The following MSI1 variants were observed in gnomAD, a reference collection of about 807,000 sequenced individuals.
The protein encoded by MSI1 is musashi RNA binding protein 1.
MSI1 carries 15 observed loss-of-function variants against 54.4 expected under a neutral mutation model. That is an observed-to-expected ratio of 0.28 (90% CI 0.18 to 0.42). MSI1 has a LOEUF of 0.42. Among genes scored for constraint, MSI1 ranks in the 20% least tolerant of loss-of-function variants. The pLI is 1.00. For missense variants in MSI1, 304 were observed against 506.0 expected (o/e 0.60, Z 3.83); for synonymous variants, 200 against 196.5 (o/e 1.02, Z -0.15).
chr12:120,345,360 T>TGTGAA (rs1431370352), intron 14 of MSI1, among the ~76,000 whole-genome samples: 1 of 152,082 alleles, frequency 6.6e-6, no homozygotes, highest in Non-Finnish European at 1.5e-5. Context: ...ATAGGTGGGA[T>TGTGAA]GTGAAGCCTT....
At chr12:120,346,739 T>C (rs997928914) in intron 12 of MSI1, among the ~76,000 whole-genome samples, 2 of 152,130 alleles carry the variant, frequency 1.3e-5, no homozygotes, top group Non-Finnish European at 2.9e-5. Context: ...CCAGAAACAC[T>C]TTTCCTCCTC....
At chr12:120,346,704 G>A (rs1874155866) in intron 12 of MSI1, among the ~76,000 whole-genome samples, 1 of 152,090 alleles carries the variant, frequency 6.6e-6, no homozygotes, top group Non-Finnish European at 1.5e-5. Flanking sequence ...TGGCCTCCAA[G>A]CCTTTGCATA....
At chr12:120,361,911 CCGGGGG>C (rs1875688100) in intron 6 of MSI1, among the ~76,000 whole-genome samples, 1 of 151,850 alleles carries the variant, frequency 6.6e-6, no homozygotes, top group Non-Finnish European at 1.5e-5. Context: ...AACGCCGGCC[CCGGGGG>C]CAGGCGGCCT....
Position 120,342,105 on chromosome 12 carries a change from G to C in MSI1, c.*1022C>G, listed in dbSNP as rs1231119114. The C allele has an allele frequency of 1.3e-5, 2 of 152,864 alleles. No homozygotes were observed. Among genetic ancestry groups the C allele is most frequent in the Non-Finnish European group, 2.9e-5 (2 of 68,666 alleles). 9.5% of individuals were successfully genotyped at this position (152,864 alleles called of 1,614,324 possible). Reference sequence around the variant, plus strand: ...CCCCTGGTGCCCACTCATTGCGGGGGTCGAGGGGGAAGGGGGACAGACTGA... The same window carrying C: ...CCCCTGGTGCCCACTCATTGCGGGGCTCGAGGGGGAAGGGGGACAGACTGA... On this transcript the variant is annotated 3_prime_UTR_variant, in exon 15 of 15. Coordinates refer to ENST00000257552, the MANE Select transcript of MSI1 (RefSeq NM_002442.4).
intron 7 of MSI1, among the ~76,000 whole-genome samples, 166 bp from the exon 8 acceptor site, chr12:120,358,064 G>T (rs1405246097): frequency 6.6e-6 from 1 of 152,206 alleles, no homozygotes; most frequent in African/African-American, 2.4e-5. Flanking sequence ...CTGAGACAGG[G>T]TTTCAAGTCC....
chr12:120,349,952 C>T (rs1272691026), intron 11 of MSI1, among the ~76,000 whole-genome samples: 1 of 152,202 alleles, frequency 6.6e-6, no homozygotes, highest in East Asian at 1.9e-4. Context: ...CCTCTCTAAA[C>T]TGCGAGTTCT....
intron 9 of MSI1, among the ~76,000 whole-genome samples, chr12:120,354,962 G>C (rs1874952924): frequency 6.8e-6 from 1 of 145,992 alleles, no homozygotes; most frequent in Non-Finnish European, 1.5e-5. Flanking sequence ...GGGAACCTGA[G>C]GTGAGAAGAT....
In MSI1 at chr12:120,357,035, G is replaced by C; in HGVS notation, c.535-16C>G. ...TACATTCCACCTGCAATGAGACCTG[G>C]CGGTTAGTCTTTCCCACAGAGCTAG... On this transcript the variant is annotated splice_polypyrimidine_tract_variant and intron_variant, in intron 8 of 14. Coordinates refer to ENST00000257552, the MANE Select transcript of MSI1 (RefSeq NM_002442.4). 1 of 1,609,086 alleles carries C rather than the reference G, an allele frequency of 6.2e-7. No homozygotes were observed. Among genetic ancestry groups the C allele is most frequent in the Non-Finnish European group, 8.5e-7 (1 of 1,175,344 alleles).
In MSI1 at chr12:120,357,806, C is replaced by T. The variant is rs772736992; in HGVS notation, c.534+10G>A. 12 of 1,613,810 alleles carry T rather than the reference C, an allele frequency of 7.4e-6. No individual in the cohort carries two copies. The South Asian group carries it at 1.1e-4, about 15-fold the overall frequency. ...ACAGGCGTGAGCCACTGCGCCCGGA[C>T]CCAACTCACCATTTTGTTGTTGATT... On this transcript the variant is annotated intron_variant, in intron 8 of 14. Coordinates refer to ENST00000257552, the MANE Select transcript of MSI1 (RefSeq NM_002442.4).
chr12:120,361,186 T>C (rs569292400), intron 6 of MSI1, among the ~76,000 whole-genome samples: 131 of 152,224 alleles, frequency 8.6e-4, no homozygotes, highest in African/African-American at 3.0e-3. Flanking sequence ...CACCATCCTA[T>C]TGAGCACCTT....
At chr12:120,365,988 C>T (rs960180546) in intron 4 of MSI1, among the ~76,000 whole-genome samples, 5 of 152,162 alleles carry the variant, frequency 3.3e-5, no homozygotes, top group African/African-American at 9.7e-5. Context: ...GCCACCTTTG[C>T]CCTTGGCTGT....
intron 6 of MSI1, chr12:120,361,529 C>CG (rs1875640856): frequency 6.6e-6 from 1 of 150,898 alleles, no homozygotes; most frequent in Non-Finnish European, 1.5e-5. Flanking sequence ...GGGAGGCTCC[C>CG]GGCCCAGTGT....
At chr12:120,344,183 C>T (rs1873924695) in intron 14 of MSI1, among the ~76,000 whole-genome samples, 2 of 152,154 alleles carry the variant, frequency 1.3e-5, no homozygotes, top group African/African-American at 4.8e-5. Flanking sequence ...TAGCTGTGTA[C>T]TATACCACTG....
intron 14 of MSI1, 118 bp downstream of exon 14, chr12:120,345,452 T>A (rs1592921516): frequency 4.9e-6 from 4 of 818,320 alleles, no homozygotes; most frequent in South Asian, 4.8e-5. Flanking sequence ...TATAAAGATC[T>A]GTCTCCCCTG....
chr12:120,363,547 C>A (rs374562665), intron 5 of MSI1, among the ~76,000 whole-genome samples: 1 of 150,986 alleles, frequency 6.6e-6, no homozygotes, highest in African/African-American at 2.4e-5. Flanking sequence ...TCAGCCTCCT[C>A]CCAACACAAC....
intron 12 of MSI1, among the ~76,000 whole-genome samples, chr12:120,346,598 G>A (rs1234688017): frequency 6.6e-6 from 1 of 151,726 alleles, no homozygotes; most frequent in Admixed American, 6.6e-5. Flanking sequence ...CCTGACCCGC[G>A]TCCCTCTGCT....
chr12:120,354,749 A>G (rs1215258168), intron 9 of MSI1, among the ~76,000 whole-genome samples: 1 of 152,198 alleles, frequency 6.6e-6, no homozygotes, highest in African/African-American at 2.4e-5. Flanking sequence ...CACCTCTTAA[A>G]TGAAGGGTGA....
Position 120,354,921 on chromosome 12 carries a change from T to A in MSI1, c.653-1542A>T, listed in dbSNP as rs1039964776. ...GAGCATTACTGGGTCTGGCTGGCCATGGTGGCTCATGCCTACCACCACAAC... is the reference window on the plus strand; with the variant it reads ...GAGCATTACTGGGTCTGGCTGGCCAAGGTGGCTCATGCCTACCACCACAAC... On this transcript the variant is annotated intron_variant, in intron 9 of 14. Transcript: ENST00000257552. 2.7e-5 allele frequency among the ~76,000 whole-genome samples: 4 copies of A among 149,816 alleles called. No homozygotes were observed. In the Admixed American group the frequency reaches 2.7e-4, roughly 10 times the overall value.
intron 11 of MSI1, among the ~76,000 whole-genome samples, chr12:120,348,038 C>G (rs1874283460): frequency 6.6e-6 from 1 of 152,172 alleles, no homozygotes; most frequent in Non-Finnish European, 1.5e-5. Flanking sequence ...CACACCGAGG[C>G]CATAGCGTTG....
Sources: allele counts gnomAD v4.1 joint callset (sites outside exome capture counted in the v4.1 genomes callset), GRCh38; gene constraint gnomAD v4.1.1; transcripts MANE v1.5; gene names NCBI Gene and HGNC (gene_info 2026-07-23, HGNC 2026-07-21).